The following CHCHD3 variants were observed in gnomAD, a reference collection of about 807,000 sequenced individuals.
The protein encoded by CHCHD3 is coiled-coil-helix-coiled-coil-helix domain containing 3.
Under a neutral mutation model 38.2 loss-of-function variants are expected in CHCHD3, and 20 were observed. That is an observed-to-expected ratio of 0.52 (90% CI 0.37 to 0.76). The LOEUF (loss-of-function observed/expected upper bound fraction) is 0.76. CHCHD3 is among the 30% of genes least tolerant of loss of function. The pLI, the probability that CHCHD3 is intolerant of heterozygous loss-of-function variation, is 0.00. For synonymous variants in CHCHD3, 82 were observed against 100.0 expected (o/e 0.82, Z 1.07); for missense variants, 245 against 279.2 (o/e 0.88, Z 0.87).
At chr7:132,983,463 G>A (rs1584618823) in intron 3 of CHCHD3, among the ~76,000 whole-genome samples, 1 of 152,344 alleles carries the variant, frequency 6.6e-6, no homozygotes, top group African/African-American at 2.4e-5. Flanking sequence ...AGTACATACT[G>A]TATTGCTATA....
rs903595603 is a variant in CHCHD3, at chr7:132,838,664, T to C, written c.454-195A>G. On this transcript the variant is annotated intron_variant, in intron 5 of 7. Coordinates refer to ENST00000262570, the MANE Select transcript of CHCHD3 (RefSeq NM_017812.4). ...TTAAATAACAGTAGAGTTGTTGGTATGCGGATTATAATTACAGAGTAAACG... is the reference window on the plus strand; with the variant it reads ...TTAAATAACAGTAGAGTTGTTGGTACGCGGATTATAATTACAGAGTAAACG... Among the ~76,000 whole-genome samples the C allele has an allele frequency of 2.0e-5, 3 of 152,248 alleles. No homozygotes were observed. The East Asian group carries it at 5.8e-4, about 29-fold the overall frequency.
intron 2 of CHCHD3, among the ~76,000 whole-genome samples, chr7:133,041,486 G>T (rs1407790925): frequency 1.3e-5 from 2 of 151,990 alleles, no homozygotes; most frequent in Admixed American, 6.6e-5. Flanking sequence ...CACCTTTCTG[G>T]CAAGCTAACC....
intron 3 of CHCHD3, among the ~76,000 whole-genome samples, chr7:133,006,451 A>G (rs1812702301): frequency 6.6e-6 from 1 of 151,870 alleles, no homozygotes; most frequent in African/African-American, 2.4e-5. Context: ...TGGGCAACAG[A>G]GCAAGACTCC....
chr7:133,035,302 G>C lies in CHCHD3; in HGVS notation c.170-10675C>G, dbSNP rs767523072. On this transcript the variant is annotated intron_variant, in intron 2 of 7. Transcript: ENST00000262570. The surrounding 1 kb of genome is among the most constrained non-coding windows in gnomAD (Gnocchi z 4.7). Reference sequence around the variant, plus strand: ...TGGGCCATCTTCTCACACAGTTTCAGTTCCCCCAAGACAGCCCGGAACTGG... The same window carrying C: ...TGGGCCATCTTCTCACACAGTTTCACTTCCCCCAAGACAGCCCGGAACTGG... 3 of 1,610,810 alleles carry C rather than the reference G, an allele frequency of 1.9e-6. No homozygotes were observed. The highest frequency in any genetic ancestry group is 1.1e-5 in the South Asian group (1 of 91,024).
chr7:132,811,578 G>A (rs1807070654), intron 6 of CHCHD3, among the ~76,000 whole-genome samples: 1 of 152,260 alleles, frequency 6.6e-6, no homozygotes, highest in African/African-American at 2.4e-5. Flanking sequence ...TGCCAAAGTG[G>A]CTTTCATTCA....
intron 4 of CHCHD3, among the ~76,000 whole-genome samples, chr7:132,914,491 A>T (rs2117225774): frequency 6.6e-6 from 1 of 152,350 alleles, no homozygotes; most frequent in Non-Finnish European, 1.5e-5. Flanking sequence ...TATGTACATG[A>T]TTAATAGAAA....
At chr7:132,968,768 T>C (rs1226915821) in intron 4 of CHCHD3, among the ~76,000 whole-genome samples, 1 of 152,222 alleles carries the variant, frequency 6.6e-6, no homozygotes, top group Non-Finnish European at 1.5e-5. Context: ...TACTCTTCTC[T>C]TACACAGAAC....
chr7:132,796,536 T>C lies in CHCHD3; in HGVS notation c.566A>G (p.Lys189Arg). Residue 189 changes from lysine to arginine, a missense_variant, in exon 7 of 8, where the codon AAA (lysine) becomes AGA (arginine). By Grantham distance (26) the Lys-to-Arg change is conservative (BLOSUM62 2). Transcript: ENST00000262570. ...GTTCTCACGGTAACACTGAAGAATT[T>C]TGGCCTGCAGATCAGCACAGACTGG... The part of the protein sequence containing the change: ...SHPVCADLQA[K>R]ILQCYRENTH... 6.2e-7 allele frequency: 1 copy of C among 1,613,886 alleles called. No individual in the cohort carries two copies. The highest frequency in any genetic ancestry group is 1.1e-5 in the South Asian group (1 of 91,070).
intron 3 of CHCHD3, among the ~76,000 whole-genome samples, chr7:133,010,384 C>T (rs1414787391): frequency 2.6e-5 from 4 of 152,058 alleles, no homozygotes; most frequent in Non-Finnish European, 5.9e-5. Flanking sequence ...ATATGCACAG[C>T]GCACAGTACA....
At chr7:132,839,995 T>G (rs1199663907) in intron 5 of CHCHD3, among the ~76,000 whole-genome samples, 1 of 152,252 alleles carries the variant, frequency 6.6e-6, no homozygotes, top group Non-Finnish European at 1.5e-5. Flanking sequence ...ATTTCTGACA[T>G]GAAGACAATA....
At chr7:132,887,552 G>A (rs1809247892) in intron 4 of CHCHD3, among the ~76,000 whole-genome samples, 1 of 151,292 alleles carries the variant, frequency 6.6e-6, no homozygotes. Context: ...ACATGTAACT[G>A]GGAGAGTTAA....
At chr7:133,034,867 G>A (rs774736989) in intron 2 of CHCHD3, 1 of 1,610,260 alleles carries the variant, frequency 6.2e-7, no homozygotes, top group South Asian at 1.1e-5. Flanking sequence ...TTCTTCCTCA[G>A]CTTGTCCAGT....
At chr7:132,982,258 T>C (rs537026601) in intron 3 of CHCHD3, among the ~76,000 whole-genome samples, 3 of 152,292 alleles carry the variant, frequency 2.0e-5, no homozygotes, top group African/African-American at 4.8e-5. Context: ...GATTCCAAAA[T>C]AAATACATAA....
chr7:132,927,380 C>T (rs1810402162), intron 4 of CHCHD3, among the ~76,000 whole-genome samples: 1 of 152,226 alleles, frequency 6.6e-6, no homozygotes, highest in Non-Finnish European at 1.5e-5. Flanking sequence ...CACATCTGCT[C>T]CTCATCCAGA....
intron 6 of CHCHD3, among the ~76,000 whole-genome samples, chr7:132,808,322 C>A (rs1371948270): frequency 6.6e-6 from 1 of 152,184 alleles, no homozygotes; most frequent in Non-Finnish European, 1.5e-5. Context: ...TCCCCACCTG[C>A]TTTCCACTTT....
At chr7:133,051,420 C>T in intron 2 of CHCHD3, among the ~76,000 whole-genome samples, 1 of 152,186 alleles carries the variant, frequency 6.6e-6, no homozygotes, top group East Asian at 1.9e-4. Flanking sequence ...CTTTTAACTA[C>T]TATTTTTTCC....
intron 5 of CHCHD3, among the ~76,000 whole-genome samples, chr7:132,846,139 G>C (rs1259830186): frequency 3.3e-5 from 5 of 152,168 alleles, no homozygotes; most frequent in African/African-American, 1.2e-4. Flanking sequence ...CTCATGATGA[G>C]AGTATGGAGT....
At chr7:132,999,573 G>T (rs1357899040) in intron 3 of CHCHD3, among the ~76,000 whole-genome samples, 1 of 152,068 alleles carries the variant, frequency 6.6e-6, no homozygotes, top group Non-Finnish European at 1.5e-5. Context: ...AAATATGTGG[G>T]TTAAACATTT....
At chr7:132,969,117 A>T (rs1482735922) in intron 4 of CHCHD3, among the ~76,000 whole-genome samples, 1 of 151,662 alleles carries the variant, frequency 6.6e-6, no homozygotes, top group South Asian at 2.1e-4. Context: ...ATTTTCAAAA[A>T]CTAAATTTAT....
Sources: gnomAD v4.1 joint callset for allele counts (sites outside exome capture counted in the v4.1 genomes callset) on GRCh38, gnomAD v4.1.1 for gene constraint, Gnocchi (gnomAD v3.1) non-coding constraint, MANE v1.5 for transcripts, NCBI Gene and HGNC (gene_info 2026-07-23, HGNC 2026-07-21) for gene names.